HS6ST2: variants seen among roughly 807,000 people sequenced by gnomAD.
HS6ST2 encodes the protein heparan-sulfate 6-O-sulfotransferase 2.
Under a neutral mutation model 33.0 loss-of-function variants are expected in HS6ST2, and 17 were observed. That is an observed-to-expected ratio of 0.52 (90% confidence interval 0.35 to 0.77). The LOEUF (loss-of-function observed/expected upper bound fraction) is 0.77, where lower values mean the gene tolerates loss of function less well. HS6ST2 is among the 30% of genes least tolerant of loss of function. The probability of loss-of-function intolerance (pLI) is 0.01; values close to 1 mark genes in which losing one functional copy is unlikely to be tolerated. For synonymous variants in HS6ST2, 248 were observed against 237.1 expected, an observed-to-expected ratio of 1.05 and a Z score of -0.42; for missense variants, 519 against 551.7, an observed-to-expected ratio of 0.94 and a Z score of 0.59.
chrX:132,814,597 C>T (rs1027956489), intron 2 of HS6ST2, among the ~76,000 whole-genome samples: 6 of 111,450 alleles, frequency 5.4e-5, no homozygotes, highest in African/African-American at 2.0e-4. Context: ...CACTTCTCTG[C>T]CTCCCAGGAT....
intron 2 of HS6ST2, among the ~76,000 whole-genome samples, chrX:132,811,685 A>AATATATATATATATATATAT (rs56390608): frequency 3.4e-5 from 1 of 29,812 alleles, no homozygotes; most frequent in Non-Finnish European, 5.4e-5. Context: ...AAGGCTGAAT[A>AATATATATATATATATATAT]ATATATATAT....
intron 2 of HS6ST2, among the ~76,000 whole-genome samples, chrX:132,872,990 A>G (rs143259346): frequency 2.9e-4 from 32 of 111,635 alleles, no homozygotes; most frequent in Admixed American, 6.7e-4. Context: ...ATGCCCAGCC[A>G]TTCCCAACCC....
chrX:132,954,400 T>C (rs1026216796), intron 2 of HS6ST2, among the ~76,000 whole-genome samples: 1 of 111,787 alleles, frequency 8.9e-6, no homozygotes, highest in African/African-American at 3.3e-5. Flanking sequence ...CATTTCACCA[T>C]CGGTGCAGCT....
intron 2 of HS6ST2, among the ~76,000 whole-genome samples, chrX:132,932,179 C>T: frequency 1.1e-5 from 1 of 88,077 alleles, no homozygotes; most frequent in Admixed American, 1.2e-4. Context: ...GAGCAAGACT[C>T]CACCTCAAAA....
At chrX:132,755,271 G>A (rs1338114724) in intron 2 of HS6ST2, among the ~76,000 whole-genome samples, 1 of 111,747 alleles carries the variant, frequency 8.9e-6, no homozygotes, top group Non-Finnish European at 1.9e-5. Context: ...GCTGTTGGTA[G>A]CTCTTTTAGT....
At chrX:132,837,787 T>A (rs1192712834) in intron 2 of HS6ST2, among the ~76,000 whole-genome samples, 5 of 112,267 alleles carry the variant, frequency 4.5e-5, no homozygotes, top group Non-Finnish European at 7.5e-5. Context: ...AGCTTGACCC[T>A]GTTTCTCAGA....
intron 2 of HS6ST2, among the ~76,000 whole-genome samples, chrX:132,841,832 T>C (rs763285001): frequency 8.9e-6 from 1 of 112,134 alleles, no homozygotes; most frequent in South Asian, 3.8e-4. Flanking sequence ...AGGCCCGTCA[T>C]ACTAGGTTAA....
In HS6ST2 at chrX:132,875,484, A is replaced by G. The variant is rs181104292; in HGVS notation, c.947+81324T>C. Among the ~76,000 whole-genome samples the G allele has an allele frequency of 8.1e-5, 9 of 111,047 alleles. No individual in the cohort carries two copies. In the East Asian group the frequency reaches 2.6e-3, roughly 32 times the overall value. On this transcript the variant is annotated intron_variant, in intron 2 of 4. Transcript: ENST00000370833. ...AGGCTAGCGGGCCTTTGTGAAAAAA[A>G]AAGTGAAAAAAATGTGAAAAAAAAG...
At chrX:132,870,012 A>G (rs1272489641) in intron 2 of HS6ST2, among the ~76,000 whole-genome samples, 4 of 111,566 alleles carry the variant, frequency 3.6e-5, no homozygotes, top group Non-Finnish European at 7.5e-5. Flanking sequence ...GTATATCTAG[A>G]AAACCCCATC....
At chrX:132,939,976 G>T (rs768278518) in intron 2 of HS6ST2, among the ~76,000 whole-genome samples, 1 of 111,634 alleles carries the variant, frequency 9.0e-6, no homozygotes, top group Non-Finnish European at 1.9e-5. Flanking sequence ...AATTCAAGGT[G>T]CCAAGAATAG....
At chrX:132,714,224 G>A (rs1357483527) in intron 2 of HS6ST2, among the ~76,000 whole-genome samples, 1 of 111,504 alleles carries the variant, frequency 9.0e-6, no homozygotes, top group African/African-American at 3.3e-5. Context: ...TGAAACCCTA[G>A]GCAACCCCAT....
intron 2 of HS6ST2, among the ~76,000 whole-genome samples, chrX:132,812,311 A>G (rs1455724075): frequency 4.7e-5 from 5 of 107,070 alleles, no homozygotes; most frequent in African/African-American, 1.7e-4. Context: ...AGGCTGAGGC[A>G]GGAGAATTGC....
At chrX:132,940,154 G>A (rs1214099663) in intron 2 of HS6ST2, among the ~76,000 whole-genome samples, 1 of 111,678 alleles carries the variant, frequency 9.0e-6, no homozygotes. Context: ...ATGATCAACC[G>A]GTTTTGTATA....
chrX:132,852,519 T>C (rs780705634), intron 2 of HS6ST2, among the ~76,000 whole-genome samples: 9 of 112,138 alleles, frequency 8.0e-5, no homozygotes, highest in Non-Finnish European at 1.7e-4. Context: ...TATCAGAACA[T>C]TGTTGCAGCA....
chrX:132,637,888 TATTTTATATATA>T (rs1569475991), intron 4 of HS6ST2, among the ~76,000 whole-genome samples: 25 of 56,410 alleles, frequency 4.4e-4, no homozygotes, highest in African/African-American at 2.4e-3. Flanking sequence ...ATATATATAA[TATTTTATATATA>T]ATATTATATA....
intron 2 of HS6ST2, among the ~76,000 whole-genome samples, chrX:132,829,193 T>TAA (rs2065561674): frequency 1.5e-5 from 1 of 67,881 alleles, no homozygotes; most frequent in Admixed American, 1.3e-4. Flanking sequence ...TATATATATA[T>TAA]ATATATACAT....
intron 2 of HS6ST2, among the ~76,000 whole-genome samples, chrX:132,841,159 G>A (rs2065703491): frequency 8.9e-6 from 1 of 111,957 alleles, no homozygotes; most frequent in South Asian, 3.7e-4. Context: ...AACTATGGGA[G>A]AAACTTGAGA....
chrX:132,808,986 T>A (rs756546114), intron 2 of HS6ST2, among the ~76,000 whole-genome samples: 1 of 110,634 alleles, frequency 9.0e-6, no homozygotes, highest in Non-Finnish European at 1.9e-5. Flanking sequence ...TCATTTTTGT[T>A]TGTTTGTTTG....
At chrX:132,707,092 A>G (rs2064194322) in intron 3 of HS6ST2, among the ~76,000 whole-genome samples, 1 of 112,575 alleles carries the variant, frequency 8.9e-6, no homozygotes, top group Non-Finnish European at 1.9e-5. Flanking sequence ...ATTTTAAAGC[A>G]AAAAGAAAAC....
Sources: allele counts gnomAD v4.1 joint callset (sites outside exome capture counted in the v4.1 genomes callset), GRCh38; gene constraint gnomAD v4.1.1; transcripts MANE v1.5; gene names NCBI Gene and HGNC (gene_info 2026-07-23, HGNC 2026-07-21).